Variants in KIAA0825 observed in about 807,000 individuals in gnomAD.
KIAA0825 encodes KIAA0825.
A neutral mutation model predicts 147.6 loss-of-function variants in KIAA0825; 119 were observed. The ratio of observed to expected loss-of-function variants is 0.81; its 90% CI spans 0.69 to 0.94. KIAA0825 has a LOEUF of 0.94. Ranked by LOEUF, KIAA0825 falls within the 40% of genes least tolerant of loss-of-function variation. The probability of loss-of-function intolerance (pLI) is 0.00; values close to 1 mark genes in which losing one functional copy is unlikely to be tolerated. For missense variants in KIAA0825, 1,381 were observed against 1,472.7 expected (o/e 0.94, Z 1.02); for synonymous variants, 470 against 518.1 (o/e 0.91, Z 1.26).
chr5:94,555,134 C>T (rs561061080), intron 2 of KIAA0825, among the ~76,000 whole-genome samples: 1 of 152,008 alleles, frequency 6.6e-6, no homozygotes, highest in African/African-American at 2.4e-5. Flanking sequence ...TTTTTAAAGG[C>T]CAGAGCTTAC....
chr5:94,583,323 G>A (rs1018915997), intron 1 of KIAA0825, among the ~76,000 whole-genome samples: 5 of 152,214 alleles, frequency 3.3e-5, no homozygotes, highest in African/African-American at 4.8e-5. Flanking sequence ...TCTTCCCATG[G>A]TCTTTGCAAC....
intron 16 of KIAA0825, among the ~76,000 whole-genome samples, chr5:94,397,376 G>T (rs1750805131): frequency 1.3e-5 from 2 of 152,096 alleles, no homozygotes; most frequent in South Asian, 4.1e-4. Context: ...GATTCCACAT[G>T]TTCTTCCTTG....
At chr5:94,261,764 C>G (rs1324653920) in intron 20 of KIAA0825, among the ~76,000 whole-genome samples, 1 of 152,134 alleles carries the variant, frequency 6.6e-6, no homozygotes. Context: ...CCCAGCCAGT[C>G]TCCAAGTTCT....
At chr5:94,441,819 C>T (rs1421646030) in intron 13 of KIAA0825, among the ~76,000 whole-genome samples, 1 of 152,208 alleles carries the variant, frequency 6.6e-6, no homozygotes, top group Non-Finnish European at 1.5e-5. Flanking sequence ...ATGCAATAAA[C>T]TCCCTATAAC....
At chr5:94,271,516 G>T (rs1776985378) in intron 20 of KIAA0825, among the ~76,000 whole-genome samples, 1 of 152,208 alleles carries the variant, frequency 6.6e-6, no homozygotes, top group East Asian at 1.9e-4. Context: ...GAGAGGCCAA[G>T]GTGGGTGGAT....
At chr5:94,429,667 G>T (rs1014928892) in intron 14 of KIAA0825, among the ~76,000 whole-genome samples, 1 of 152,148 alleles carries the variant, frequency 6.6e-6, no homozygotes, top group Non-Finnish European at 1.5e-5. Flanking sequence ...ACTCAGCCCT[G>T]GGGGGTGGCA....
intron 18 of KIAA0825, 62 bp downstream of exon 18, chr5:94,391,473 C>T: frequency 6.6e-7 from 1 of 1,515,650 alleles, no homozygotes; most frequent in African/African-American, 1.4e-5. Context: ...CCTTAGCTGC[C>T]AGCAGACGCT....
chr5:94,561,062 A>G (rs1584893210), intron 2 of KIAA0825, among the ~76,000 whole-genome samples: 2 of 152,228 alleles, frequency 1.3e-5, no homozygotes, highest in Admixed American at 6.5e-5. Flanking sequence ...TGATTACTGC[A>G]TTAACTTTCA....
At chr5:94,419,053 T>G (rs763449297) in intron 14 of KIAA0825, among the ~76,000 whole-genome samples, 5 of 152,118 alleles carry the variant, frequency 3.3e-5, no homozygotes, top group Non-Finnish European at 5.9e-5. Flanking sequence ...TTTTTTGTTT[T>G]ATTGTAGAGA....
At chr5:94,161,736 T>C (rs1460375531) in intron 20 of KIAA0825, among the ~76,000 whole-genome samples, 2 of 152,218 alleles carry the variant, frequency 1.3e-5, no homozygotes, top group East Asian at 3.8e-4. Flanking sequence ...ATAACATATT[T>C]TCTTTTTCAA....
chr5:94,442,191 GAA>G (rs577821742), intron 13 of KIAA0825, among the ~76,000 whole-genome samples: 153 of 152,260 alleles, frequency 1.0e-3, no homozygotes, highest in African/African-American at 3.5e-3. Context: ...GACACAAAAT[GAA>G]AAAGTCTCGA....
chr5:94,564,169 A>G (rs1778114901), intron 2 of KIAA0825, among the ~76,000 whole-genome samples: 1 of 149,380 alleles, frequency 6.7e-6, no homozygotes, highest in Admixed American at 6.7e-5. Context: ...CTTGAATACC[A>G]CAACTCAGGT....
intron 2 of KIAA0825, 47 bp from the exon 3 acceptor site, chr5:94,537,174 G>GGCC (rs763045599): frequency 1.3e-6 from 2 of 1,524,526 alleles, no homozygotes; most frequent in South Asian, 2.5e-5. Context: ...CCCCCACAAT[G>GGCC]GCCAGGGATA....
chr5:94,464,951 C>T lies in KIAA0825; in HGVS notation c.1981G>A (p.Glu661Lys). 1 of 1,551,676 alleles carries T rather than the reference C, an allele frequency of 6.4e-7. No homozygotes were observed. Among genetic ancestry groups the T allele is most frequent in the Non-Finnish European group, 8.7e-7 (1 of 1,146,984 alleles). ...PPKLAQEILV[E>K]VLEKSLSLLA... ...AGACTCAAAGATTTCTCCAGCACTTCCACTAGAATCTCCTGGGCTAACTTA... is the reference window on the plus strand; with the variant it reads ...AGACTCAAAGATTTCTCCAGCACTTTCACTAGAATCTCCTGGGCTAACTTA... The change falls in exon 11 of 21, where the codon GAA becomes AAA. Residue 661 changes from glutamate (E) to lysine (K), a missense_variant. Coordinates refer to ENST00000682413, the MANE Select transcript of KIAA0825 (RefSeq NM_001145678.3).
intron 20 of KIAA0825, among the ~76,000 whole-genome samples, chr5:94,379,749 T>C (rs1584315914): frequency 6.6e-6 from 1 of 152,130 alleles, no homozygotes. Flanking sequence ...CATTTGCTTT[T>C]TTTCATCTCT....
At chr5:94,521,490 T>C (rs1176211682) in intron 4 of KIAA0825, among the ~76,000 whole-genome samples, 2 of 151,816 alleles carry the variant, frequency 1.3e-5, no homozygotes, top group African/African-American at 4.8e-5. Flanking sequence ...TTAAAGATTT[T>C]AACTTTCATT....
chr5:94,557,824 T>C (rs1584884348), intron 2 of KIAA0825, among the ~76,000 whole-genome samples: 1 of 152,206 alleles, frequency 6.6e-6, no homozygotes, highest in Admixed American at 6.5e-5. Flanking sequence ...GTTTTCACTC[T>C]ATTAAATCTT....
intron 15 of KIAA0825, among the ~76,000 whole-genome samples, chr5:94,404,477 T>TG (rs148309312): frequency 0.28 from 41,962 of 151,688 alleles, 6,041 homozygotes; most frequent in Middle Eastern, 0.33. Flanking sequence ...CTTCCTTCTT[T>TG]CTTTACAAAT....
chr5:94,461,342 G>C, intron 12 of KIAA0825, among the ~76,000 whole-genome samples: 1 of 151,862 alleles, frequency 6.6e-6, no homozygotes, highest in East Asian at 1.9e-4. Context: ...ATTGAACTGA[G>C]AGCACAGCAA....
Sources: allele counts gnomAD v4.1 joint callset (sites outside exome capture counted in the v4.1 genomes callset), GRCh38; gene constraint gnomAD v4.1.1; transcripts MANE v1.5; gene names NCBI Gene and HGNC (gene_info 2026-07-23, HGNC 2026-07-21).